Variants in MYOZ2 observed in about 807,000 individuals in gnomAD.
MYOZ2 encodes the protein myozenin-2.
MYOZ2 carries 19 observed loss-of-function variants against 25.4 expected under a neutral mutation model. That is an observed-to-expected ratio of 0.75 (90% CI 0.52 to 1.10). The LOEUF is 1.10. Ranked by LOEUF, MYOZ2 falls within the 50% of genes least tolerant of loss-of-function variation. The pLI is 0.00. For missense variants in MYOZ2, 270 were observed against 317.9 expected (o/e 0.85, Z 1.15); for synonymous variants, 92 against 106.9 (o/e 0.86, Z 0.86).
chr4:119,168,908 C>G (rs751759168), intron 5 of MYOZ2, among the ~76,000 whole-genome samples: 12 of 152,146 alleles, frequency 7.9e-5, no homozygotes, highest in Non-Finnish European at 1.2e-4. Flanking sequence ...GAAATAAGTT[C>G]TACTGTGGGT....
chr4:119,143,159 T>C (rs1216955797), intron 2 of MYOZ2, among the ~76,000 whole-genome samples: 1 of 152,082 alleles, frequency 6.6e-6, no homozygotes, highest in Non-Finnish European at 1.5e-5. Flanking sequence ...TCTGAGCTCT[T>C]AATACTGTTA....
intron 2 of MYOZ2, among the ~76,000 whole-genome samples, chr4:119,142,812 A>G (rs926504179): frequency 6.6e-6 from 1 of 152,240 alleles, no homozygotes; most frequent in African/African-American, 2.4e-5. Context: ...GTTGCTGTAT[A>G]AACTTCTTCC....
At chr4:119,165,590 G>C (rs1443676146) in intron 5 of MYOZ2, among the ~76,000 whole-genome samples, 3 of 152,040 alleles carry the variant, frequency 2.0e-5, no homozygotes, top group Non-Finnish European at 4.4e-5. Context: ...ACCATTATTA[G>C]TAATGCATCC....
chr4:119,167,400 G>C (rs958062297), intron 5 of MYOZ2, among the ~76,000 whole-genome samples: 18 of 152,190 alleles, frequency 1.2e-4, no homozygotes, highest in African/African-American at 2.2e-4. Flanking sequence ...AAGAAAAGTT[G>C]GAAGCTAGTA....
At chr4:119,166,530 G>T (rs892479223) in intron 5 of MYOZ2, among the ~76,000 whole-genome samples, 6 of 151,546 alleles carry the variant, frequency 4.0e-5, no homozygotes, top group Non-Finnish European at 8.8e-5. Context: ...AAAAGTATAT[G>T]CACAGGGATA....
chr4:119,137,936 AC>A (rs890885525), intron 2 of MYOZ2, among the ~76,000 whole-genome samples: 8 of 152,148 alleles, frequency 5.3e-5, no homozygotes, highest in Admixed American at 3.3e-4. Context: ...CTTAAAATAG[AC>A]CTTTCATGTT....
At chr4:119,180,629 C>T (rs569693823) in intron 5 of MYOZ2, among the ~76,000 whole-genome samples, 90 of 152,314 alleles carry the variant, frequency 5.9e-4, no homozygotes, top group Middle Eastern at 3.4e-3. Context: ...TTTCAGCTCA[C>T]TGCAACCTCT....
In MYOZ2 at chr4:119,186,050, A is replaced by G. The variant is rs1467745091; in HGVS notation, c.645A>G (p.Thr215=). ...CAGATTTTGAGCTACTATTGCTAAC[A>G]GATCCCAGGTTTATGTCCTTTGTCA... is the stretch of plus-strand genomic sequence containing the variant. ...KVPDFELLLL[T]DPRFMSFVNP... The change falls in exon 6 of 6, where the codon ACA becomes ACG. Residue 215 remains threonine (T), a synonymous_variant. Coordinates refer to ENST00000307128, the MANE Select transcript of MYOZ2 (RefSeq NM_016599.5). The G allele has an allele frequency of 6.2e-7, 1 of 1,614,006 alleles. No homozygotes were observed. Among genetic ancestry groups the G allele is most frequent in the Non-Finnish European group, 8.5e-7 (1 of 1,179,996 alleles).
At chr4:119,141,133 G>T (rs531878747) in intron 2 of MYOZ2, among the ~76,000 whole-genome samples, 1 of 152,176 alleles carries the variant, frequency 6.6e-6, no homozygotes, top group African/African-American at 2.4e-5. Flanking sequence ...AGGGACAGGA[G>T]GAAGAGTTCT....
chr4:119,163,266 AG>A (rs1741748594), intron 4 of MYOZ2, among the ~76,000 whole-genome samples: 1 of 152,318 alleles, frequency 6.6e-6, no homozygotes, highest in Non-Finnish European at 1.5e-5. Context: ...AAGAGGAGAT[AG>A]GCATGCTTTG....
chr4:119,186,302 A>G lies in MYOZ2; in HGVS notation c.*102A>G. The G allele has an allele frequency of 1.2e-6, 1 of 850,764 alleles. No homozygotes were observed. Among genetic ancestry groups the G allele is most frequent in the Non-Finnish European group, 1.9e-6 (1 of 529,008 alleles). 52.7% of individuals were successfully genotyped at this position (850,764 alleles called of 1,614,324 possible). Reference sequence around the variant, plus strand: ...ACTTGCATTTTTCATTAGTAGCAACAATAGCAATTTAGTGATTTTCCTTTT... The same window carrying G: ...ACTTGCATTTTTCATTAGTAGCAACGATAGCAATTTAGTGATTTTCCTTTT... On this transcript the variant is annotated 3_prime_UTR_variant, in exon 6 of 6. Transcript: ENST00000307128.
intron 4 of MYOZ2, among the ~76,000 whole-genome samples, chr4:119,158,845 A>T (rs1741644990): frequency 6.6e-6 from 1 of 152,194 alleles, no homozygotes; most frequent in Admixed American, 6.5e-5. Flanking sequence ...CGTTGAGGTT[A>T]TGAATGTCTA....
At chr4:119,162,978 T>G (rs1343793898) in intron 4 of MYOZ2, among the ~76,000 whole-genome samples, 3 of 152,226 alleles carry the variant, frequency 2.0e-5, no homozygotes, top group Non-Finnish European at 4.4e-5. Flanking sequence ...GTAGAGGGCT[T>G]GATTATTTTT....
chr4:119,157,309 C>T (rs556483961), intron 3 of MYOZ2, among the ~76,000 whole-genome samples: 8 of 152,166 alleles, frequency 5.3e-5, no homozygotes, highest in East Asian at 1.9e-4. Context: ...TAACCTACTA[C>T]GATGTCTATT....
At chr4:119,176,741 G>A (rs1742080682) in intron 5 of MYOZ2, among the ~76,000 whole-genome samples, 1 of 152,158 alleles carries the variant, frequency 6.6e-6, no homozygotes, top group African/African-American at 2.4e-5. Flanking sequence ...TATCATTCAG[G>A]TACCTTGTGA....
At chr4:119,184,599 G>A (rs1285699398) in intron 5 of MYOZ2, among the ~76,000 whole-genome samples, 1 of 152,126 alleles carries the variant, frequency 6.6e-6, no homozygotes, top group East Asian at 1.9e-4. Context: ...AGATATTTTT[G>A]TATATGTTTA....
At chr4:119,136,788 T>G (rs1276061513) in intron 2 of MYOZ2, among the ~76,000 whole-genome samples, 187 bp downstream of exon 2, 2 of 152,138 alleles carry the variant, frequency 1.3e-5, no homozygotes, top group African/African-American at 4.8e-5. Context: ...CCTTTCTCAT[T>G]TGGAAGCTAT....
In MYOZ2 at chr4:119,180,490, A is replaced by G. The variant is rs28570631; in HGVS notation, c.561-5476A>G. Among the ~76,000 whole-genome samples the G allele has an allele frequency of 3.9e-3, 594 of 152,334 alleles. 7 individuals are homozygous for G. Among genetic ancestry groups the G allele is most frequent in the African/African-American group, 0.014 (571 of 41,574 alleles). ...TGCTATTCGCCTTTCTGTCATATAA[A>G]TATTTTAAACTAGATAAATATTCTT... On this transcript the variant is annotated intron_variant, in intron 5 of 5. Coordinates refer to ENST00000307128, the MANE Select transcript of MYOZ2 (RefSeq NM_016599.5).
Position 119,136,340 on chromosome 4 carries a change from A to G in MYOZ2, c.-14-172A>G, listed in dbSNP as rs563996862. On this transcript the variant is annotated intron_variant, in intron 1 of 5. Coordinates refer to ENST00000307128, the MANE Select transcript of MYOZ2 (RefSeq NM_016599.5). ...CTGTTCACTGTGACATTGCCTGTCAATGAATAACATACTCTGTCACCAGAT... is the reference window on the plus strand; with the variant it reads ...CTGTTCACTGTGACATTGCCTGTCAGTGAATAACATACTCTGTCACCAGAT... Among the ~76,000 whole-genome samples the G allele has an allele frequency of 9.2e-5, 14 of 152,348 alleles. No homozygotes were observed. The South Asian group carries it at 2.7e-3, about 29-fold the overall frequency.
Sources: allele counts gnomAD v4.1 joint callset (sites outside exome capture counted in the v4.1 genomes callset), GRCh38; gene constraint gnomAD v4.1.1; transcripts MANE v1.5; gene names NCBI Gene and HGNC (gene_info 2026-07-23, HGNC 2026-07-21).